Variants in DTNA observed in about 807,000 individuals in gnomAD.
DTNA encodes dystrophin-related protein 3.
A neutral mutation model predicts 100.7 loss-of-function variants in DTNA; 43 were observed. The ratio of observed to expected loss-of-function variants is 0.43; its 90% CI spans 0.33 to 0.55. DTNA has a LOEUF of 0.55. Ranked by LOEUF, DTNA falls within the 20% of genes least tolerant of loss-of-function variation. The probability of loss-of-function intolerance (pLI) is 0.04; values close to 1 mark genes in which losing one functional copy is unlikely to be tolerated. For missense variants in DTNA, 798 were observed against 953.9 expected (o/e 0.84, Z 2.15); for synonymous variants, 349 against 347.9 (o/e 1.00, Z -0.04).
chr18:34,856,239 C>A (rs2096551417), intron 15 of DTNA, among the ~76,000 whole-genome samples: 1 of 152,164 alleles, frequency 6.6e-6, no homozygotes, highest in Non-Finnish European at 1.5e-5. Context: ...CAGCCTGGTT[C>A]TCTAGACATC....
chr18:34,853,068 T>C (rs537512116), intron 15 of DTNA, among the ~76,000 whole-genome samples: 45 of 152,304 alleles, frequency 3.0e-4, no homozygotes, highest in Non-Finnish European at 3.1e-4. Context: ...TAGATATACA[T>C]TGAGTGAGAA....
At chr18:34,610,143 G>A (rs16965643) in intron 1 of DTNA, among the ~76,000 whole-genome samples, 1,576 of 152,236 alleles carry the variant, frequency 0.01, 21 homozygotes, top group African/African-American at 0.036. Context: ...TAAACAATAA[G>A]GTCATGCCTG....
upstream of DTNA, among the ~76,000 whole-genome samples, chr18:34,708,940 T>C (rs539498977): frequency 2.0e-5 from 3 of 152,160 alleles, no homozygotes; most frequent in Admixed American, 2.0e-4. Context: ...CTATCCAAGA[T>C]CACAAAAGTA....
chr18:34,838,404 C>T (rs1282890797), intron 12 of DTNA, among the ~76,000 whole-genome samples: 1 of 152,098 alleles, frequency 6.6e-6, no homozygotes, highest in Non-Finnish European at 1.5e-5. Context: ...GCTGAAGACT[C>T]GATTTTCTGA....
intron 1 of DTNA, among the ~76,000 whole-genome samples, chr18:34,498,230 A>G (rs2039476292): frequency 6.6e-6 from 1 of 152,058 alleles, no homozygotes; most frequent in African/African-American, 2.4e-5. Flanking sequence ...CCTGGCTAAC[A>G]CGGTGAAACT....
At chr18:34,827,350 A>G (rs1424496016) in intron 9 of DTNA, among the ~76,000 whole-genome samples, 2 of 152,182 alleles carry the variant, frequency 1.3e-5, no homozygotes, top group South Asian at 4.1e-4. Flanking sequence ...AAGCTCATGC[A>G]TCAGTATTCA....
chr18:34,825,127 A>G, intron 9 of DTNA: 1 of 1,127,514 alleles, frequency 8.9e-7, no homozygotes, highest in Non-Finnish European at 1.3e-6. Context: ...AGGTGCTGCC[A>G]GTCATGAATT....
In DTNA at chr18:34,873,471, G is replaced by A. The variant is rs115943414; in HGVS notation, c.1744-1768G>A. 2.9e-3 allele frequency among the ~76,000 whole-genome samples: 445 copies of A among 152,324 alleles called. 1 individual carries two copies. Among genetic ancestry groups the A allele is most frequent in the African/African-American group, 9.6e-3 (401 of 41,586 alleles). Reference sequence around the variant, plus strand: ...GAAGAGCTCAGGGCATCTGACCAGCGTCTGTCTCCATTGAGGGACTTTTTG... The same window carrying A: ...GAAGAGCTCAGGGCATCTGACCAGCATCTGTCTCCATTGAGGGACTTTTTG... On this transcript the variant is annotated intron_variant, in intron 17 of 22. Coordinates refer to ENST00000444659, the MANE Select transcript of DTNA (RefSeq NM_001386795.1).
chr18:34,557,149 G>T (rs1449289114), intron 1 of DTNA, among the ~76,000 whole-genome samples: 3 of 149,788 alleles, frequency 2.0e-5, no homozygotes, highest in East Asian at 1.9e-4. Flanking sequence ...CTTTCTTCCA[G>T]TTGATCGCAT....
intron 1 of DTNA, among the ~76,000 whole-genome samples, chr18:34,569,594 G>T (rs2047393029): frequency 6.6e-6 from 1 of 152,140 alleles, no homozygotes; most frequent in African/African-American, 2.4e-5. Context: ...GAGCCAATAG[G>T]ATGTGCATAT....
Position 34,890,926 on chromosome 18 carries a change from A to G in DTNA, c.*3192A>G, listed in dbSNP as rs1335582268. ...ATTTTGATCATCTTTGTCCACCCTT[A>G]TTAGTTCTTGGCTGTTAACCGTAGA... On this transcript the variant is annotated 3_prime_UTR_variant, in exon 23 of 23. Transcript: ENST00000444659. 1 of 155,088 alleles carries G rather than the reference A, an allele frequency of 6.4e-6. No individual in the cohort carries two copies. 9.6% of individuals were successfully genotyped at this position (155,088 alleles called of 1,614,324 possible).
At chr18:34,579,546 G>A (rs1416819355) in intron 1 of DTNA, among the ~76,000 whole-genome samples, 1 of 152,098 alleles carries the variant, frequency 6.6e-6, no homozygotes, top group African/African-American at 2.4e-5. Context: ...TATATTTGTT[G>A]AACATAGAAT....
rs2093568746 is a variant in DTNA, at chr18:34,767,816, A to G, written c.148+1775A>G. ...CTGCCTCACAGGGGGTTAAGTTTCA[A>G]CATGAGTTTTAGAAGGGACAAACAT... On this transcript the variant is annotated intron_variant, in intron 3 of 22. Transcript: ENST00000444659. Among the ~76,000 whole-genome samples the G allele has an allele frequency of 3.3e-5, 5 of 152,238 alleles. No homozygotes were observed. In the South Asian group the frequency reaches 1.0e-3, roughly 31 times the overall value.
chr18:34,613,031 A>G (rs1048418593), intron 1 of DTNA, among the ~76,000 whole-genome samples: 6 of 152,184 alleles, frequency 3.9e-5, no homozygotes, highest in South Asian at 4.1e-4. Flanking sequence ...AAGCAAGTCT[A>G]TCTGCCATTT....
intron 1 of DTNA, among the ~76,000 whole-genome samples, chr18:34,567,905 A>G (rs1195740055): frequency 6.6e-6 from 1 of 152,152 alleles, no homozygotes; most frequent in African/African-American, 2.4e-5. Flanking sequence ...TAATGTCACT[A>G]TCAAGTATGT....
chr18:34,700,881 TC>T (rs1454505984), intron 1 of DTNA, among the ~76,000 whole-genome samples: 1 of 152,210 alleles, frequency 6.6e-6, no homozygotes, highest in Non-Finnish European at 1.5e-5. Context: ...GACTCCCTCT[TC>T]CTTAGGTTTC....
intron 10 of DTNA, chr18:34,829,044 G>C (rs777774345): frequency 4.3e-6 from 7 of 1,613,948 alleles, no homozygotes; most frequent in Non-Finnish European, 5.9e-6. Flanking sequence ...ATTTCAGCTC[G>C]GACGGTGCTT....
intron 2 of DTNA, among the ~76,000 whole-genome samples, chr18:34,765,444 G>C (rs1412289607): frequency 1.3e-5 from 2 of 152,160 alleles, no homozygotes; most frequent in Non-Finnish European, 2.9e-5. Flanking sequence ...CAACAGTCCT[G>C]TGCAATAAGT....
rs145788240 is a variant in DTNA at position 34,788,737 on chromosome 18, G to C, written c.149-5300G>C. On this transcript the variant is annotated intron_variant, in intron 3 of 22. Transcript: ENST00000444659. ...ACAACAAAACTAAGTGTCTGCTTTTGTGGCTGCAATGCACTTTGTGATTCT... is the reference window on the plus strand; with the variant it reads ...ACAACAAAACTAAGTGTCTGCTTTTCTGGCTGCAATGCACTTTGTGATTCT... Among the ~76,000 whole-genome samples the C allele has an allele frequency of 2.2e-3, 333 of 152,320 alleles. 1 individual carries two copies. The highest frequency in any genetic ancestry group is 7.3e-3 in the African/African-American group (303 of 41,568).
Sources: gnomAD v4.1 joint callset for allele counts (sites outside exome capture counted in the v4.1 genomes callset) on GRCh38, gnomAD v4.1.1 for gene constraint, MANE v1.5 for transcripts, NCBI Gene and HGNC (gene_info 2026-07-23, HGNC 2026-07-21) for gene names.